The following DRC2 variants were observed in gnomAD, a reference collection of about 807,000 sequenced individuals.
The protein encoded by DRC2 is coiled-coil domain containing 65.
the DRC2 span, among the ~76,000 whole-genome samples, chr12:48,916,354 T>C: frequency 7.9e-5 from 12 of 152,168 alleles, no homozygotes; most frequent in African/African-American, 2.4e-4. Context: ...TCCCGGCACC[T>C]CGGGAGGCCG....
At chr12:48,907,246 G>T in the DRC2 span, among the ~76,000 whole-genome samples, 1 of 152,100 alleles carries the variant, frequency 6.6e-6, no homozygotes, top group South Asian at 2.1e-4. Flanking sequence ...AAAAACACTT[G>T]ATAAGAACAG....
chr12:48,910,330 C>T, the DRC2 span, among the ~76,000 whole-genome samples: 1 of 152,228 alleles, frequency 6.6e-6, no homozygotes. Flanking sequence ...CAACATCCAG[C>T]ACAGTGCTGG....
At chr12:48,916,553 T>C in the DRC2 span, among the ~76,000 whole-genome samples, 2 of 151,430 alleles carry the variant, frequency 1.3e-5, no homozygotes, top group African/African-American at 2.4e-5. Context: ...GGCAGCAGTA[T>C]AGTCCAGCTT....
At chr12:48,912,437 C>CTAAA in the DRC2 span, among the ~76,000 whole-genome samples, 1 of 45,356 alleles carries the variant, frequency 2.2e-5, no homozygotes, top group African/African-American at 9.7e-5. Flanking sequence ...GACGCCGTCT[C>CTAAA]AAAAAAAAAA....
the DRC2 span, among the ~76,000 whole-genome samples, chr12:48,912,366 C>T: frequency 0.51 from 73,992 of 145,266 alleles, 18,881 homozygotes; most frequent in South Asian, 0.75. Flanking sequence ...GGAGAGGGAG[C>T]TTGCAGTGAG....
chr12:48,908,280 T>C, the DRC2 span, among the ~76,000 whole-genome samples: 1 of 152,204 alleles, frequency 6.6e-6, no homozygotes, highest in South Asian at 2.1e-4. Context: ...CTTGAACTCC[T>C]GGCCTCAAGC....
the DRC2 span, among the ~76,000 whole-genome samples, chr12:48,908,429 A>G: frequency 6.6e-6 from 1 of 151,808 alleles, no homozygotes; most frequent in Non-Finnish European, 1.5e-5. Context: ...GTAGTTTTCA[A>G]AGCTATACCC....
At chr12:48,914,886 T>G in the DRC2 span, among the ~76,000 whole-genome samples, 1 of 151,998 alleles carries the variant, frequency 6.6e-6, no homozygotes, top group Non-Finnish European at 1.5e-5. Flanking sequence ...CAAGACGGAG[T>G]GTCGCTCTGT....
chr12:48,912,432 C>T, the DRC2 span, among the ~76,000 whole-genome samples: 30 of 21,604 alleles, frequency 1.4e-3, 1 homozygote, highest in African/African-American at 3.7e-3. Flanking sequence ...AGCGAGACGC[C>T]GTCTCAAAAA....
chr12:48,914,220 C>T, the DRC2 span, among the ~76,000 whole-genome samples: 2 of 152,088 alleles, frequency 1.3e-5, no homozygotes, highest in Non-Finnish European at 1.5e-5. Flanking sequence ...ATTACAAATG[C>T]GAGCCACCTT....
the DRC2 span, among the ~76,000 whole-genome samples, chr12:48,913,567 A>G: frequency 1.2e-3 from 184 of 152,216 alleles, no homozygotes; most frequent in African/African-American, 4.3e-3. Flanking sequence ...ATCTCGGCTC[A>G]CTGCAACCTC....
the DRC2 span, among the ~76,000 whole-genome samples, chr12:48,904,792 C>T: frequency 3.3e-5 from 5 of 152,224 alleles, no homozygotes; most frequent in African/African-American, 1.2e-4. Flanking sequence ...CTGATGCTCC[C>T]ACCCTGAAGG....
At chr12:48,904,894 G>A in the DRC2 span, 1 of 1,447,582 alleles carries the variant, frequency 6.9e-7, no homozygotes, top group Non-Finnish European at 9.4e-7. Flanking sequence ...GATCTTGTTT[G>A]TTGTACTGAA....
the DRC2 span, chr12:48,914,496 G>C: frequency 3.1e-6 from 5 of 1,614,102 alleles, no homozygotes; most frequent in African/African-American, 5.3e-5. Context: ...TGGCCCTGCA[G>C]AGGCACCGGC....
At chr12:48,915,966 G>T in the DRC2 span, among the ~76,000 whole-genome samples, 1 of 148,312 alleles carries the variant, frequency 6.7e-6, no homozygotes, top group Non-Finnish European at 1.5e-5. Context: ...CAGACAGGGC[G>T]GCGGGGCAGA....
the DRC2 span, among the ~76,000 whole-genome samples, chr12:48,909,664 T>C: frequency 6.6e-6 from 1 of 151,700 alleles, no homozygotes; most frequent in South Asian, 2.1e-4. Flanking sequence ...TTTTAGTAGA[T>C]ACGGGGTTTC....
the DRC2 span, among the ~76,000 whole-genome samples, chr12:48,920,411 A>G: frequency 7.4e-6 from 1 of 134,456 alleles, no homozygotes; most frequent in Non-Finnish European, 1.5e-5. Flanking sequence ...ACTGCACTCC[A>G]GCCTGGGCAA....
At chr12:48,921,020 CCTA>C in the DRC2 span, 1 of 1,613,702 alleles carries the variant, frequency 6.2e-7, no homozygotes, top group South Asian at 1.1e-5. Flanking sequence ...AGTATTGACT[CCTA>C]AGGAGCAGGA....
At chr12:48,905,249 C>A in the DRC2 span, 2 of 795,542 alleles carry the variant, frequency 2.5e-6, no homozygotes, top group Non-Finnish European at 3.9e-6. Flanking sequence ...ATGGTTTTCA[C>A]AGAAATAAAA....
Sources: allele counts gnomAD v4.1 joint callset (sites outside exome capture counted in the v4.1 genomes callset), GRCh38; gene constraint gnomAD v4.1.1; transcripts MANE v1.5; gene names NCBI Gene and HGNC (gene_info 2026-07-23, HGNC 2026-07-21).